The following KCNIP4 variants were observed in gnomAD, a reference collection of about 807,000 sequenced individuals.
KCNIP4 encodes potassium voltage-gated channel interacting protein 4.
A neutral mutation model predicts 34.0 loss-of-function variants in KCNIP4; 12 were observed. The observed-to-expected ratio is 0.35, with a 90% confidence interval of 0.23 to 0.57. KCNIP4 has a LOEUF of 0.57. Ranked by LOEUF, KCNIP4 falls within the 20% of genes least tolerant of loss-of-function variation. The probability of loss-of-function intolerance (pLI) is 0.83; values close to 1 mark genes in which losing one functional copy is unlikely to be tolerated. For missense variants in KCNIP4, 238 were observed against 311.7 expected, an observed-to-expected ratio of 0.76 and a Z score of 1.78; for synonymous variants, 124 against 102.2, an observed-to-expected ratio of 1.21 and a Z score of -1.29.
At position 21,178,955 on chromosome 4, in the gene KCNIP4, C is replaced by T. The variant is rs1464486920; in HGVS notation, c.62-296246G>A. On this transcript the variant is annotated intron_variant, in intron 1 of 8. Coordinates refer to ENST00000382152, the MANE Select transcript of KCNIP4 (RefSeq NM_025221.6). ...ACCTCATCCTACTGAGTGGCTGGGA[C>T]CACAGGTTGCACCACCATGCCCAGC... 5.9e-5 allele frequency among the ~76,000 whole-genome samples: 9 copies of T among 151,886 alleles called. 1 individual carries two copies. The Middle Eastern group carries it at 0.01, about 172-fold the overall frequency.
rs192476320 is a variant in KCNIP4 at position 20,919,755 on chromosome 4, G to T, written c.62-37046C>A. Reference sequence around the variant, plus strand: ...TATGTATGTTTTAATATTGTTTGGCGGGGGGGAGTCAAATGAGAAAGCAGC... The same window carrying T: ...TATGTATGTTTTAATATTGTTTGGCTGGGGGGAGTCAAATGAGAAAGCAGC... On this transcript the variant is annotated intron_variant, in intron 1 of 8. Coordinates refer to ENST00000382152, the MANE Select transcript of KCNIP4 (RefSeq NM_025221.6). Among the ~76,000 whole-genome samples the T allele has an allele frequency of 1.4e-3, 218 of 151,122 alleles. 1 individual carries two copies. Among genetic ancestry groups the T allele is most frequent in the African/African-American group, 4.7e-3 (192 of 40,960 alleles).
At chr4:20,822,985 G>A (rs1355153020) in intron 3 of KCNIP4, among the ~76,000 whole-genome samples, 2 of 152,020 alleles carry the variant, frequency 1.3e-5, no homozygotes, top group East Asian at 1.9e-4. Context: ...CAGCAACAAG[G>A]TACCTTCTTA....
At chr4:21,012,969 C>T (rs1739192028) in intron 1 of KCNIP4, among the ~76,000 whole-genome samples, 1 of 152,074 alleles carries the variant, frequency 6.6e-6, no homozygotes, top group Non-Finnish European at 1.5e-5. Flanking sequence ...CTGAGAATTA[C>T]AGTAATTTGG....
At chr4:20,994,902 T>G (rs375936096) in intron 1 of KCNIP4, among the ~76,000 whole-genome samples, 1 of 152,130 alleles carries the variant, frequency 6.6e-6, no homozygotes, top group African/African-American at 2.4e-5. Flanking sequence ...GCAATTAAAC[T>G]CTAGGAAATG....
intron 1 of KCNIP4, among the ~76,000 whole-genome samples, chr4:20,903,860 T>G (rs1408365427): frequency 6.6e-6 from 1 of 152,182 alleles, no homozygotes; most frequent in East Asian, 1.9e-4. Context: ...TTTAATTGCC[T>G]GAGCTGGTTA....
At chr4:20,994,937 A>G (rs977077564) in intron 1 of KCNIP4, among the ~76,000 whole-genome samples, 8 of 152,230 alleles carry the variant, frequency 5.3e-5, no homozygotes, top group Non-Finnish European at 1.0e-4. Flanking sequence ...TTGAAGAGCC[A>G]TAAGACACTT....
intron 1 of KCNIP4, among the ~76,000 whole-genome samples, chr4:21,565,256 TGGCCG>T (rs1739772854): frequency 2.0e-5 from 3 of 152,182 alleles, no homozygotes; most frequent in Non-Finnish European, 4.4e-5. Flanking sequence ...GGCTTGCAGA[TGGCCG>T]CTTTCTTATT....
At chr4:20,786,395 C>T (rs1711993470) in intron 3 of KCNIP4, among the ~76,000 whole-genome samples, 1 of 152,116 alleles carries the variant, frequency 6.6e-6, no homozygotes, top group Admixed American at 6.5e-5. Flanking sequence ...ACCTCAGCAA[C>T]ACGCAATTAT....
At chr4:21,108,127 C>T (rs1433570730) in intron 1 of KCNIP4, among the ~76,000 whole-genome samples, 6 of 151,396 alleles carry the variant, frequency 4.0e-5, no homozygotes, top group Non-Finnish European at 8.8e-5. Context: ...CTCTGTATTT[C>T]CTGTATCTGA....
intron 1 of KCNIP4, among the ~76,000 whole-genome samples, chr4:21,796,604 T>C (rs981768118): frequency 6.6e-6 from 1 of 152,230 alleles, no homozygotes; most frequent in African/African-American, 2.4e-5. Flanking sequence ...AGCGTTCACC[T>C]AATCTTAAGA....
chr4:21,445,011 G>A (rs1014922033), intron 1 of KCNIP4, among the ~76,000 whole-genome samples: 29 of 152,150 alleles, frequency 1.9e-4, no homozygotes, highest in East Asian at 3.9e-4. Flanking sequence ...TCATGAGTGA[G>A]CTCCCATTCA....
intron 1 of KCNIP4, among the ~76,000 whole-genome samples, chr4:21,344,619 G>T (rs901540417): frequency 6.6e-6 from 1 of 152,054 alleles, no homozygotes; most frequent in African/African-American, 2.4e-5. Context: ...AAGATGGAAT[G>T]AACCAATCCC....
intron 1 of KCNIP4, among the ~76,000 whole-genome samples, chr4:21,176,143 T>C (rs1754393896): frequency 6.6e-6 from 1 of 152,232 alleles, no homozygotes; most frequent in Admixed American, 6.5e-5. Flanking sequence ...CATTTGTGTT[T>C]TTCTCATATG....
At chr4:21,920,985 T>C (rs973698644) in intron 1 of KCNIP4, among the ~76,000 whole-genome samples, 2 of 152,192 alleles carry the variant, frequency 1.3e-5, no homozygotes, top group African/African-American at 4.8e-5. Context: ...GTAAGTGCTG[T>C]CTCTCTAATC....
chr4:21,429,921 T>C (rs922400698), intron 1 of KCNIP4, among the ~76,000 whole-genome samples: 2 of 152,174 alleles, frequency 1.3e-5, no homozygotes, highest in Non-Finnish European at 2.9e-5. Flanking sequence ...GATCTTTCTG[T>C]TCATTTAATC....
At chr4:21,699,937 G>A (rs954493207) in intron 1 of KCNIP4, among the ~76,000 whole-genome samples, 1 of 152,090 alleles carries the variant, frequency 6.6e-6, no homozygotes, top group South Asian at 2.1e-4. Context: ...ATGGTGGCAT[G>A]GCCTGGAGTG....
chr4:21,465,455 G>C (rs13119776), intron 1 of KCNIP4, among the ~76,000 whole-genome samples: 17,832 of 152,136 alleles, frequency 0.12, 1,242 homozygotes, highest in South Asian at 0.16. Context: ...CCCAATAACT[G>C]AGTCTACAAA....
chr4:21,031,582 G>T (rs10029863), intron 1 of KCNIP4, among the ~76,000 whole-genome samples: 3,762 of 152,200 alleles, frequency 0.025, 147 homozygotes, highest in African/African-American at 0.085. Context: ...GGATATAGAG[G>T]TGTGTCTTTT....
At chr4:20,803,074 C>CAAAAAAAAAAAAAAAAAAAAAAAAAAAA (rs4054902) in intron 3 of KCNIP4, among the ~76,000 whole-genome samples, 1 of 78,330 alleles carries the variant, frequency 1.3e-5, no homozygotes, top group Non-Finnish European at 2.4e-5. Context: ...GACTCTGCCT[C>CAAAAAAAAAAAAAAAAAAAAAAAAAAAA]AAAAAAAAAA....
Sources: gnomAD v4.1 joint callset for allele counts (sites outside exome capture counted in the v4.1 genomes callset) on GRCh38, gnomAD v4.1.1 for gene constraint, MANE v1.5 for transcripts, NCBI Gene and HGNC (gene_info 2026-07-23, HGNC 2026-07-21) for gene names.